HELLS: variants seen among roughly 807,000 people sequenced by gnomAD.
HELLS encodes helicase, lymphoid specific, also known as lymphoid-specific helicase.
A neutral mutation model predicts 120.0 loss-of-function variants in HELLS; 32 were observed. The observed-to-expected ratio is 0.27, with a 90% CI of 0.20 to 0.36. The LOEUF (loss-of-function observed/expected upper bound fraction) is 0.36. Among genes scored for constraint, HELLS ranks in the 10% least tolerant of loss-of-function variants. HELLS has a pLI of 1.00. For synonymous variants in HELLS, 341 were observed against 323.4 expected (o/e 1.05, Z -0.58); for missense variants, 650 against 993.4 (o/e 0.65, Z 4.65).
At chr10:94,580,398 T>C (rs1161906498) in intron 10 of HELLS, among the ~76,000 whole-genome samples, 3 of 151,438 alleles carry the variant, frequency 2.0e-5, no homozygotes, top group African/African-American at 7.3e-5. Context: ...GCCAGGCTGG[T>C]CTCAAACTCC....
intron 12 of HELLS, among the ~76,000 whole-genome samples, chr10:94,587,416 G>C (rs1259033896): frequency 6.6e-6 from 1 of 152,050 alleles, no homozygotes; most frequent in Non-Finnish European, 1.5e-5. Context: ...AAATGATCCA[G>C]TTATACACTT....
intron 12 of HELLS, among the ~76,000 whole-genome samples, chr10:94,585,989 G>A (rs1056469673): frequency 2.0e-5 from 3 of 152,218 alleles, no homozygotes; most frequent in East Asian, 3.9e-4. Flanking sequence ...GGTATAGTGT[G>A]CCTCTTCTTC....
intron 18 of HELLS, 87 bp from the exon 19 acceptor site, chr10:94,594,608 A>T: frequency 2.0e-6 from 2 of 980,242 alleles, no homozygotes; most frequent in Non-Finnish European, 2.9e-6. Context: ...GTTCCTGGCT[A>T]GATCATTCAT....
Position 94,594,750 on chromosome 10 carries a change from A to T in HELLS, c.2144A>T (p.Lys715Met), listed in dbSNP as rs1360820048. Residue 715 changes from lysine (K) to methionine (M), a missense_variant, in exon 19 of 22, where the codon AAG (lysine) becomes ATG (methionine). Coordinates refer to ENST00000348459, the MANE Select transcript of HELLS (RefSeq NM_018063.5). ...AGATGTCATAGAATTGGTCAGACAA[A>T]GCCAGTTGTTGTTTATCGCCTTGTT... Reference protein sequence around the residue: ...QDRCHRIGQTKPVVVYRLVTA... With the variant: ...QDRCHRIGQTMPVVVYRLVTA... 6.2e-7 allele frequency: 1 copy of T among 1,613,938 alleles called. No individual in the cohort carries two copies.
At chr10:94,582,489 T>C (rs1291031527) in intron 11 of HELLS, among the ~76,000 whole-genome samples, 2 of 152,204 alleles carry the variant, frequency 1.3e-5, no homozygotes, top group Non-Finnish European at 2.9e-5. Flanking sequence ...AATTGCTCAT[T>C]GTAATATATA....
rs57237348 is a variant in HELLS at position 94,580,185 on chromosome 10, ATTTT to A, written c.1033-1125_1033-1122del. Among the ~76,000 whole-genome samples the A allele has an allele frequency of 2.0e-4, 14 of 69,376 alleles. No homozygotes were observed. In the Admixed American group the frequency reaches 2.3e-3, roughly 11 times the overall value. The allele number at this position is 69,376 out of a possible 152,430, so 45.5% of individuals were successfully genotyped here. A position where few individuals can be genotyped will look rare whatever the true frequency, so the allele number is the denominator to read the frequency against. On this transcript the variant is annotated intron_variant, in intron 10 of 21. Coordinates refer to ENST00000348459, the MANE Select transcript of HELLS (RefSeq NM_018063.5). ...TATACACACACACACACACACACAC[ATTTT>A]TTTTTTTTTTTTTTTGAGACAGTCT...
At chr10:94,580,261 T>TGCAACCTG (rs1331031511) in intron 10 of HELLS, among the ~76,000 whole-genome samples, 1 of 147,262 alleles carries the variant, frequency 6.8e-6, no homozygotes, top group African/African-American at 2.5e-5. Context: ...CTCGGCTTAC[T>TGCAACCTG]GCAACCTGTC....
chr10:94,586,479 A>G (rs1207450150), intron 12 of HELLS, among the ~76,000 whole-genome samples: 2 of 152,076 alleles, frequency 1.3e-5, no homozygotes, highest in African/African-American at 2.4e-5. Flanking sequence ...GCCTGTCGGC[A>G]TATTTGTTTT....
chr10:94,558,657 A>G (rs954704214), intron 4 of HELLS, among the ~76,000 whole-genome samples: 1 of 151,704 alleles, frequency 6.6e-6, no homozygotes, highest in Non-Finnish European at 1.5e-5. Context: ...GCTGGAGTGC[A>G]GTGGCGCAAT....
rs1043925031 is a variant in HELLS, at chr10:94,545,952, G to T, written c.31G>T (p.Gly11Cys). MPAERPAGSG[G>C]SEAPAMVEQL... Reference sequence around the variant, plus strand: ...AGCGGAACGGCCCGCGGGCAGCGGCGGTGAGTGAGGAAAACCTTTTGGGCG... The same window carrying T: ...AGCGGAACGGCCCGCGGGCAGCGGCTGTGAGTGAGGAAAACCTTTTGGGCG... Residue 11 changes from glycine to cysteine, a missense_variant and splice_region_variant, in exon 1 of 22, where the codon GGC (glycine) becomes TGC (cysteine). Coordinates refer to ENST00000348459, the MANE Select transcript of HELLS (RefSeq NM_018063.5). 3 of 1,556,172 alleles carry T rather than the reference G, an allele frequency of 1.9e-6. No homozygotes were observed. The highest frequency in any genetic ancestry group is 2.4e-5 in the South Asian group (2 of 84,434).
At chr10:94,564,167 T>A (rs979901266) in intron 6 of HELLS, among the ~76,000 whole-genome samples, 1 of 152,224 alleles carries the variant, frequency 6.6e-6, no homozygotes, top group Admixed American at 6.5e-5. Context: ...TGACTCTACC[T>A]ATTATCTTGT....
intron 9 of HELLS, among the ~76,000 whole-genome samples, chr10:94,575,718 G>T (rs1390430264): frequency 2.7e-5 from 4 of 145,886 alleles, no homozygotes; most frequent in Non-Finnish European, 6.0e-5. Context: ...ACTGCGCCCA[G>T]CCTATATGTG....
intron 21 of HELLS, among the ~76,000 whole-genome samples, chr10:94,601,001 C>T (rs1846008542): frequency 6.6e-6 from 1 of 152,060 alleles, no homozygotes; most frequent in African/African-American, 2.4e-5. Flanking sequence ...AAAGAAATGT[C>T]TGATGAACAG....
At chr10:94,594,897 T>G in intron 19 of HELLS, 43 bp downstream of exon 19, 1 of 1,417,124 alleles carries the variant, frequency 7.1e-7, no homozygotes, top group Non-Finnish European at 9.8e-7. Flanking sequence ...AAATTGTGCA[T>G]TGTGTGTTGT....
intron 11 of HELLS, among the ~76,000 whole-genome samples, chr10:94,582,484 C>T (rs190849252): frequency 1.3e-5 from 2 of 152,120 alleles, no homozygotes; most frequent in East Asian, 1.9e-4. Context: ...TACTTAATTG[C>T]TCATTGTAAT....
intron 2 of HELLS, among the ~76,000 whole-genome samples, chr10:94,550,560 G>A (rs1452769255): frequency 2.0e-5 from 3 of 151,836 alleles, no homozygotes; most frequent in East Asian, 3.9e-4. Flanking sequence ...GATTACAGGC[G>A]TGAGCCACCA....
At position 94,590,428 on chromosome 10, in the gene HELLS, T is replaced by G; in HGVS notation, c.1504T>G (p.Leu502Val). ...FGSSEKETIE[L>V]SPTGRPKRRT... ...TCCCTTTTAGAAAGAAACAATTGAGTTAAGTCCTACTGGTCGACCAAAACG... is the reference window on the plus strand; with the variant it reads ...TCCCTTTTAGAAAGAAACAATTGAGGTAAGTCCTACTGGTCGACCAAAACG... The change falls in exon 14 of 22, where the codon TTA (leucine) becomes GTA (valine). Residue 502 changes from leucine (L) to valine (V), a missense_variant. Transcript: ENST00000348459. The G allele has an allele frequency of 6.2e-7, 1 of 1,605,988 alleles. No individual in the cohort carries two copies. Among genetic ancestry groups the G allele is most frequent in the Non-Finnish European group, 8.5e-7 (1 of 1,178,348 alleles).
At chr10:94,600,899 G>T (rs1846003370) in intron 21 of HELLS, among the ~76,000 whole-genome samples, 2 of 152,066 alleles carry the variant, frequency 1.3e-5, no homozygotes, top group South Asian at 4.1e-4. Flanking sequence ...AATAATATTT[G>T]CAACATATAA....
In HELLS at chr10:94,564,560, G is replaced by A. The variant is rs948389840; in HGVS notation, c.435+1684G>A. ...TACTTAAAAATATGAATGAATTAGA[G>A]CATCTTCAGTTCTGACAAACCAGTT... On this transcript the variant is annotated intron_variant, in intron 6 of 21. Coordinates refer to ENST00000348459, the MANE Select transcript of HELLS (RefSeq NM_018063.5). 9.9e-5 allele frequency among the ~76,000 whole-genome samples: 15 copies of A among 152,040 alleles called. 1 individual carries two copies. Among genetic ancestry groups the A allele is most frequent in the Admixed American group, 7.2e-4 (11 of 15,270 alleles).
Sources: gnomAD v4.1 joint callset for allele counts (sites outside exome capture counted in the v4.1 genomes callset) on GRCh38, gnomAD v4.1.1 for gene constraint, MANE v1.5 for transcripts, NCBI Gene and HGNC (gene_info 2026-07-23, HGNC 2026-07-21) for gene names.